Variants in WWOX observed in about 807,000 individuals in gnomAD.
The protein encoded by WWOX is WW domain-containing oxidoreductase.
In WWOX, 69 loss-of-function variants were observed where a neutral mutation model predicts 46.2. That is an observed-to-expected ratio of 1.49 (90% CI 1.23 to 1.82). WWOX has a LOEUF of 1.82. Among genes scored for constraint, WWOX ranks in the 40% most tolerant of loss-of-function variants. The pLI is 0.00. For missense variants in WWOX, 919 were observed against 542.6 expected (o/e 1.69, Z -6.89); for synonymous variants, 359 against 202.6 (o/e 1.77, Z -6.56).
intron 8 of WWOX, among the ~76,000 whole-genome samples, chr16:78,613,441 C>CA (rs2045946369): frequency 6.6e-6 from 1 of 152,134 alleles, no homozygotes; most frequent in African/African-American, 2.4e-5. Context: ...CTATGAGGGT[C>CA]ATCTGGGAAA....
At chr16:78,876,942 A>C (rs972318108) in intron 8 of WWOX, among the ~76,000 whole-genome samples, 33 of 152,194 alleles carry the variant, frequency 2.2e-4, no homozygotes, top group African/African-American at 8.0e-4. Context: ...TAAGGCATAA[A>C]GTAGGAAAAT....
intron 8 of WWOX, among the ~76,000 whole-genome samples, chr16:79,114,105 G>A (rs974661500): frequency 6.6e-6 from 1 of 152,288 alleles, no homozygotes; most frequent in East Asian, 1.9e-4. Flanking sequence ...GTAAGGGTTA[G>A]AGCCAGGATT....
At chr16:78,777,810 G>T (rs945491972) in intron 8 of WWOX, among the ~76,000 whole-genome samples, 1 of 152,016 alleles carries the variant, frequency 6.6e-6, no homozygotes, top group Non-Finnish European at 1.5e-5. Flanking sequence ...ACTTTGGGAG[G>T]CCGGGGCAGG....
At chr16:78,325,762 G>A (rs72792353) in intron 5 of WWOX, among the ~76,000 whole-genome samples, 8,782 of 152,288 alleles carry the variant, frequency 0.058, 360 homozygotes, top group Admixed American at 0.12. Flanking sequence ...AGCCTTGCAG[G>A]CAAGGAAGCA....
At chr16:78,633,825 G>A (rs1303390502) in intron 8 of WWOX, among the ~76,000 whole-genome samples, 1 of 152,144 alleles carries the variant, frequency 6.6e-6, no homozygotes, top group Non-Finnish European at 1.5e-5. Context: ...ATCAAACGGG[G>A]ATTGGGACCT....
intron 5 of WWOX, among the ~76,000 whole-genome samples, chr16:78,367,348 G>T (rs2081560805): frequency 6.6e-6 from 1 of 152,094 alleles, no homozygotes; most frequent in Non-Finnish European, 1.5e-5. Flanking sequence ...ATGTGGCCCA[G>T]GACAGCTTTG....
intron 8 of WWOX, among the ~76,000 whole-genome samples, chr16:78,627,606 A>C (rs182605967): frequency 6.6e-6 from 1 of 152,354 alleles, no homozygotes; most frequent in East Asian, 1.9e-4. Context: ...AAAGAGGAAA[A>C]ACTGGACACA....
intron 8 of WWOX, among the ~76,000 whole-genome samples, chr16:78,505,958 G>C (rs2085192224): frequency 6.6e-6 from 1 of 152,196 alleles, no homozygotes; most frequent in Non-Finnish European, 1.5e-5. Context: ...GCATTTCCTT[G>C]GCTGAACGCC....
intron 8 of WWOX, among the ~76,000 whole-genome samples, chr16:78,571,600 G>A (rs976751654): frequency 6.6e-6 from 1 of 152,158 alleles, no homozygotes; most frequent in African/African-American, 2.4e-5. Flanking sequence ...TGGGTGCAGT[G>A]GCTCACACCT....
intron 8 of WWOX, among the ~76,000 whole-genome samples, chr16:78,500,188 A>G (rs547599666): frequency 1.4e-4 from 21 of 152,298 alleles, no homozygotes; most frequent in South Asian, 8.3e-4. Flanking sequence ...CCTACGGTCA[A>G]TGCAGTACTA....
At chr16:78,829,713 T>C (rs1388233042) in intron 8 of WWOX, among the ~76,000 whole-genome samples, 1 of 152,150 alleles carries the variant, frequency 6.6e-6, no homozygotes, top group Non-Finnish European at 1.5e-5. Context: ...CTAGGAGTCA[T>C]TATCTTCCCC....
At chr16:78,920,133 G>A (rs1166247275) in intron 8 of WWOX, among the ~76,000 whole-genome samples, 1 of 152,122 alleles carries the variant, frequency 6.6e-6, no homozygotes, top group African/African-American at 2.4e-5. Context: ...GTCAAGAGCT[G>A]GCTCTGCTTG....
intron 8 of WWOX, among the ~76,000 whole-genome samples, chr16:78,799,217 G>A (rs866413038): frequency 1.3e-5 from 2 of 152,296 alleles, no homozygotes; most frequent in South Asian, 2.1e-4. Context: ...ACACGGTGCA[G>A]AAAAGTTCAT....
rs529317619 is a variant in WWOX, at chr16:78,600,824, G to C, written c.1056+168072G>C. Reference sequence around the variant, plus strand: ...CCCTTTGAATCGGATGTCTAGAATGGACTCAGATGTCACTGTGCAGGTGAC... The same window carrying C: ...CCCTTTGAATCGGATGTCTAGAATGCACTCAGATGTCACTGTGCAGGTGAC... On this transcript the variant is annotated intron_variant, in intron 8 of 8. Transcript: ENST00000566780. Among the ~76,000 whole-genome samples, 5 of 152,256 alleles carry C rather than the reference G, an allele frequency of 3.3e-5. No homozygotes were observed. In the East Asian group the frequency reaches 9.7e-4, roughly 29 times the overall value.
intron 8 of WWOX, among the ~76,000 whole-genome samples, chr16:78,807,026 T>A (rs1230708418): frequency 6.6e-6 from 1 of 152,190 alleles, no homozygotes; most frequent in Non-Finnish European, 1.5e-5. Flanking sequence ...TGACCCCACA[T>A]TTGTGCTGAG....
chr16:78,842,328 T>C (rs1438546729), intron 8 of WWOX, among the ~76,000 whole-genome samples: 1 of 118,250 alleles, frequency 8.5e-6, no homozygotes, highest in Non-Finnish European at 1.8e-5. Flanking sequence ...ACCCCATCTC[T>C]AAAAAAAAAA....
intron 5 of WWOX, among the ~76,000 whole-genome samples, chr16:78,322,021 C>G (rs2080494650): frequency 6.6e-6 from 1 of 152,166 alleles, no homozygotes; most frequent in South Asian, 2.1e-4. Context: ...AGAACAGCAG[C>G]TAAAGTGGAC....
At chr16:78,864,840 GC>G (rs1220992402) in intron 8 of WWOX, among the ~76,000 whole-genome samples, 14 of 130,394 alleles carry the variant, frequency 1.1e-4, no homozygotes. Context: ...TCGGCTCACT[GC>G]AACATCCACC....
At chr16:78,251,657 G>T (rs1401962936) in intron 5 of WWOX, among the ~76,000 whole-genome samples, 1 of 152,016 alleles carries the variant, frequency 6.6e-6, no homozygotes, top group Non-Finnish European at 1.5e-5. Context: ...AAACATTACC[G>T]CTGAACCCCG....
Sources: gnomAD v4.1 joint callset for allele counts (sites outside exome capture counted in the v4.1 genomes callset) on GRCh38, gnomAD v4.1.1 for gene constraint, MANE v1.5 for transcripts, NCBI Gene and HGNC (gene_info 2026-07-23, HGNC 2026-07-21) for gene names.